MAML2: variants seen among roughly 807,000 people sequenced by gnomAD.
The protein encoded by MAML2 is mastermind like transcriptional coactivator 2.
A neutral mutation model predicts 96.1 loss-of-function variants in MAML2; 22 were observed. The ratio of observed to expected loss-of-function variants is 0.23; its 90% confidence interval spans 0.16 to 0.33. The LOEUF (loss-of-function observed/expected upper bound fraction) is 0.33, where lower values mean the gene tolerates loss of function less well. Among genes scored for constraint, MAML2 ranks in the 10% least tolerant of loss-of-function variants. The pLI is 1.00. For synonymous variants in MAML2, 561 were observed against 521.3 expected, an observed-to-expected ratio of 1.08 and a Z score of -1.04; for missense variants, 1,367 against 1,392.4, an observed-to-expected ratio of 0.98 and a Z score of 0.29.
At chr11:96,060,226 A>T (rs1859133496) in intron 2 of MAML2, among the ~76,000 whole-genome samples, 1 of 152,212 alleles carries the variant, frequency 6.6e-6, no homozygotes, top group Admixed American at 6.5e-5. Flanking sequence ...GTATGATTAA[A>T]TTTTCTGGCA....
chr11:96,207,129 G>A (rs1189209942), intron 1 of MAML2, among the ~76,000 whole-genome samples: 1 of 152,158 alleles, frequency 6.6e-6, no homozygotes, highest in African/African-American at 2.4e-5. Flanking sequence ...TTGTTTTCTT[G>A]TAACTGCACC....
intron 2 of MAML2, among the ~76,000 whole-genome samples, chr11:96,023,144 T>C (rs1277399237): frequency 1.3e-5 from 2 of 152,096 alleles, no homozygotes; most frequent in Non-Finnish European, 2.9e-5. Context: ...GAATGGACGA[T>C]CCCTGGCAGG....
intron 2 of MAML2, among the ~76,000 whole-genome samples, chr11:96,077,930 A>G (rs759657042): frequency 3.0e-4 from 45 of 152,370 alleles, no homozygotes; most frequent in Admixed American, 7.2e-4. Context: ...GTAAATGTCC[A>G]TGCTATAAAG....
At chr11:95,992,325 G>A (rs77354508) in intron 2 of MAML2, among the ~76,000 whole-genome samples, 1 of 152,098 alleles carries the variant, frequency 6.6e-6, no homozygotes, top group African/African-American at 2.4e-5. Flanking sequence ...CTCGGCGCAA[G>A]AATCTCAGTA....
chr11:96,155,509 AAT>A lies in MAML2; in HGVS notation c.514-61994_514-61993del, dbSNP rs56860340. Among the ~76,000 whole-genome samples the A allele has an allele frequency of 5.8e-3, 432 of 74,798 alleles. 14 individuals carry two copies. The highest frequency in any genetic ancestry group is 0.014 in the African/African-American group (228 of 16,506). 49.1% of individuals were successfully genotyped at this position (74,798 alleles called of 152,430 possible). A position where few individuals can be genotyped will look rare whatever the true frequency, so the allele number is the denominator to read the frequency against. On this transcript the variant is annotated intron_variant, in intron 1 of 4. Coordinates refer to ENST00000524717, the MANE Select transcript of MAML2 (RefSeq NM_032427.4). ...ACCTCATGGGCGCTGTAACAATTCA[AAT>A]ATATATATATATATATATATATATA...
At chr11:95,994,921 T>TACCCC (rs1357541280) in intron 2 of MAML2, among the ~76,000 whole-genome samples, 3 of 152,168 alleles carry the variant, frequency 2.0e-5, no homozygotes, top group Non-Finnish European at 4.4e-5. Context: ...TTCTGACACT[T>TACCCC]AGTTGTGTGA....
intron 2 of MAML2, among the ~76,000 whole-genome samples, chr11:96,011,702 T>C (rs905173796): frequency 1.3e-5 from 2 of 152,146 alleles, no homozygotes; most frequent in Non-Finnish European, 2.9e-5. Flanking sequence ...TCTGCACATG[T>C]ACCCCTTGAA....
chr11:96,012,218 T>C (rs1858277523), intron 2 of MAML2, among the ~76,000 whole-genome samples: 1 of 152,204 alleles, frequency 6.6e-6, no homozygotes, highest in Non-Finnish European at 1.5e-5. Context: ...TTCAAGTTCA[T>C]TCGACTTGGG....
chr11:96,169,603 A>G (rs903811433), intron 1 of MAML2, among the ~76,000 whole-genome samples: 11 of 151,722 alleles, frequency 7.3e-5, no homozygotes, highest in African/African-American at 2.7e-4. Context: ...CTTAACCTCT[A>G]TTTCTGTTAT....
In MAML2 at chr11:96,139,130, A is replaced by G. The variant is rs189689374; in HGVS notation, c.514-45613T>C. ...TATATTGGTAATGTTCCACAAACCA[A>G]ATCAGCTTTCCTAATACAACTTTGT... is the stretch of plus-strand genomic sequence containing the variant. On this transcript the variant is annotated intron_variant, in intron 1 of 4. Coordinates refer to ENST00000524717, the MANE Select transcript of MAML2 (RefSeq NM_032427.4). 3.8e-3 allele frequency among the ~76,000 whole-genome samples: 584 copies of G among 152,284 alleles called. 4 individuals carry two copies. Among genetic ancestry groups the G allele is most frequent in the South Asian group, 0.021 (102 of 4,828 alleles).
intron 1 of MAML2, among the ~76,000 whole-genome samples, chr11:96,281,635 A>G (rs913849966): frequency 3.5e-4 from 53 of 152,184 alleles, no homozygotes; most frequent in African/African-American, 1.2e-3. Context: ...GAGTTTTGCA[A>G]TGAAGTAGAG....
At chr11:96,237,001 C>T (rs920017785) in intron 1 of MAML2, among the ~76,000 whole-genome samples, 1 of 152,260 alleles carries the variant, frequency 6.6e-6, no homozygotes, top group African/African-American at 2.4e-5. Context: ...GACAGAGAAA[C>T]CTCTGAACTG....
chr11:96,226,629 A>G (rs1862213201), intron 1 of MAML2, among the ~76,000 whole-genome samples: 1 of 152,224 alleles, frequency 6.6e-6, no homozygotes, highest in African/African-American at 2.4e-5. Context: ...CTTAGCAAAA[A>G]TTAGAAATGA....
At chr11:96,083,951 G>A (rs923081559) in intron 2 of MAML2, among the ~76,000 whole-genome samples, 5 of 152,306 alleles carry the variant, frequency 3.3e-5, no homozygotes, top group African/African-American at 4.8e-5. Flanking sequence ...CCTTCTGGGG[G>A]AAATGAAGTC....
chr11:96,072,231 A>G (rs573089436), intron 2 of MAML2, among the ~76,000 whole-genome samples: 2 of 152,296 alleles, frequency 1.3e-5, no homozygotes, highest in East Asian at 1.9e-4. Flanking sequence ...TTAAGGCCAC[A>G]TTTCTGTGTA....
intron 1 of MAML2, among the ~76,000 whole-genome samples, chr11:96,224,465 A>G (rs919618244): frequency 4.6e-5 from 7 of 152,142 alleles, no homozygotes; most frequent in Admixed American, 2.0e-4. Context: ...CCACAATTCT[A>G]TCTATTTGAA....
chr11:96,033,795 T>C (rs1858656362), intron 2 of MAML2, among the ~76,000 whole-genome samples: 1 of 152,108 alleles, frequency 6.6e-6, no homozygotes, highest in Non-Finnish European at 1.5e-5. Flanking sequence ...CATCACGAGA[T>C]TTTTTTCAGA....
intron 1 of MAML2, among the ~76,000 whole-genome samples, chr11:96,312,361 C>A (rs1014497075): frequency 1.3e-5 from 2 of 151,940 alleles, no homozygotes; most frequent in Non-Finnish European, 2.9e-5. Flanking sequence ...TCTTTAATCA[C>A]CCAATGAGAA....
chr11:96,015,942 G>A (rs1323369816), intron 2 of MAML2, among the ~76,000 whole-genome samples: 1 of 151,980 alleles, frequency 6.6e-6, no homozygotes, highest in African/African-American at 2.4e-5. Context: ...ACAGTATAAA[G>A]GAAAGAATGA....
Sources: gnomAD v4.1 joint callset for allele counts (sites outside exome capture counted in the v4.1 genomes callset) on GRCh38, gnomAD v4.1.1 for gene constraint, MANE v1.5 for transcripts, NCBI Gene and HGNC (gene_info 2026-07-23, HGNC 2026-07-21) for gene names.